SAMD3: variants seen among roughly 807,000 people sequenced by gnomAD.
The protein encoded by SAMD3 is sterile alpha motif domain containing 3.
In SAMD3, 63 loss-of-function variants were observed where a neutral mutation model predicts 58.5. The observed-to-expected ratio is 1.08, with a 90% confidence interval of 0.88 to 1.33. The LOEUF (loss-of-function observed/expected upper bound fraction) is 1.33, where lower values mean the gene tolerates loss of function less well. Among genes scored for constraint, SAMD3 ranks in the 40% most tolerant of loss-of-function variants. The probability of loss-of-function intolerance (pLI) is 0.00; values close to 1 mark genes in which losing one functional copy is unlikely to be tolerated. For synonymous variants in SAMD3, 220 were observed against 210.3 expected (o/e 1.05, Z -0.40); for missense variants, 604 against 608.4 (o/e 0.99, Z 0.08).
chr6:130,173,950 C>A (rs969948399), intron 8 of SAMD3, among the ~76,000 whole-genome samples: 1 of 152,170 alleles, frequency 6.6e-6, no homozygotes, highest in Non-Finnish European at 1.5e-5. Flanking sequence ...TGTGTCCAGC[C>A]CAGACCTCCC....
intron 2 of SAMD3, among the ~76,000 whole-genome samples, chr6:130,287,797 A>G (rs562393209): frequency 8.4e-4 from 128 of 152,286 alleles, no homozygotes; most frequent in Non-Finnish European, 1.5e-3. Context: ...TACAAAAATT[A>G]GCACGGGCAT....
intron 5 of SAMD3, among the ~76,000 whole-genome samples, chr6:130,204,337 A>T (rs528851309): frequency 1.6e-4 from 25 of 152,332 alleles, no homozygotes; most frequent in African/African-American, 5.5e-4. Context: ...CATGATGAGG[A>T]TGGGACCTAT....
chr6:130,177,977 C>G (rs1429966361), intron 7 of SAMD3, among the ~76,000 whole-genome samples: 1 of 149,726 alleles, frequency 6.7e-6, no homozygotes, highest in Non-Finnish European at 1.5e-5. Context: ...GTGGCTCAAC[C>G]CTTCTTTTTT....
At chr6:130,317,986 T>C (rs1163408812) in intron 1 of SAMD3, among the ~76,000 whole-genome samples, 1 of 152,168 alleles carries the variant, frequency 6.6e-6, no homozygotes, top group Non-Finnish European at 1.5e-5. Context: ...AAGAGAGAAC[T>C]ACATAGATTG....
At chr6:130,272,189 A>G (rs1176570745) in intron 2 of SAMD3, among the ~76,000 whole-genome samples, 2 of 152,146 alleles carry the variant, frequency 1.3e-5, no homozygotes, top group African/African-American at 4.8e-5. Context: ...ATCCAGTTAT[A>G]TTTATTTTTC....
At chr6:130,244,128 T>A (rs1773454779) in intron 2 of SAMD3, among the ~76,000 whole-genome samples, 1 of 152,242 alleles carries the variant, frequency 6.6e-6, no homozygotes, top group Admixed American at 6.5e-5. Flanking sequence ...AAGTACATTT[T>A]AATTGGGCTA....
intron 2 of SAMD3, among the ~76,000 whole-genome samples, chr6:130,238,385 T>C (rs1445479685): frequency 6.6e-6 from 1 of 152,148 alleles, no homozygotes; most frequent in Non-Finnish European, 1.5e-5. Flanking sequence ...TATAAAGATA[T>C]TTGGAAATCA....
intron 2 of SAMD3, among the ~76,000 whole-genome samples, chr6:130,292,391 G>C (rs1775400963): frequency 6.7e-6 from 1 of 150,092 alleles, no homozygotes; most frequent in Admixed American, 6.7e-5. Flanking sequence ...GGCTCAAGCA[G>C]TTCTCCTGCG....
intron 2 of SAMD3, among the ~76,000 whole-genome samples, chr6:130,298,329 A>G (rs1463331873): frequency 1.3e-5 from 2 of 152,192 alleles, no homozygotes; most frequent in East Asian, 3.8e-4. Context: ...AGAGAAGCAA[A>G]TGCTACGGGA....
Position 130,270,174 on chromosome 6 carries a change from T to G in SAMD3, c.-188+42804A>C, listed in dbSNP as rs576852039. Among the ~76,000 whole-genome samples, 5 of 152,220 alleles carry G rather than the reference T, an allele frequency of 3.3e-5. No homozygotes were observed. In the South Asian group the frequency reaches 1.0e-3, roughly 32 times the overall value. ...TGACATGATCTCAGCTCACTGAAAT[T>G]TCTGCCTCCCAGGTTCATGTGATTT... On this transcript the variant is annotated intron_variant, in intron 2 of 13. Transcript: ENST00000368134.
chr6:130,205,131 T>G (rs1260125438), intron 5 of SAMD3, among the ~76,000 whole-genome samples: 1 of 142,914 alleles, frequency 7.0e-6, no homozygotes, highest in Non-Finnish European at 1.5e-5. Context: ...GAATGGCTTA[T>G]AGAGCCCTGG....
chr6:130,360,538 CT>C (rs2115045906), intron 1 of SAMD3, among the ~76,000 whole-genome samples: 1 of 152,280 alleles, frequency 6.6e-6, no homozygotes, highest in African/African-American at 2.4e-5. Flanking sequence ...AGATCATGTA[CT>C]TCACAAGGTA....
intron 2 of SAMD3, among the ~76,000 whole-genome samples, chr6:130,291,403 C>A (rs1237122380): frequency 6.6e-6 from 1 of 152,222 alleles, no homozygotes; most frequent in Non-Finnish European, 1.5e-5. Context: ...CCATGCCCAG[C>A]CGATAATTGA....
At chr6:130,274,821 G>A (rs976474264) in intron 2 of SAMD3, among the ~76,000 whole-genome samples, 13 of 149,902 alleles carry the variant, frequency 8.7e-5, no homozygotes, top group African/African-American at 3.2e-4. Flanking sequence ...GTATATTACT[G>A]AAGTCCCTCT....
intron 2 of SAMD3, among the ~76,000 whole-genome samples, chr6:130,292,507 G>A (rs183028280): frequency 4.1e-4 from 63 of 151,848 alleles, no homozygotes; most frequent in African/African-American, 1.5e-3. Context: ...GGCTGGTCTC[G>A]AACTCCTGAT....
exon 1 of SAMD3, chr6:130,365,158 C>T (rs1225400590): frequency 3.0e-6 from 3 of 984,510 alleles, no homozygotes; most frequent in Admixed American, 6.1e-5. Flanking sequence ...ACCGTCTTTG[C>T]CGAATTAGAG....
At chr6:130,150,800 C>T (rs930678540) in intron 9 of SAMD3, among the ~76,000 whole-genome samples, 8 of 151,904 alleles carry the variant, frequency 5.3e-5, no homozygotes, top group African/African-American at 9.7e-5. Context: ...TAGCCTCTGC[C>T]TTCCAGGTTC....
intron 4 of SAMD3, 37 bp from the exon 5 acceptor site, chr6:130,209,645 G>T: frequency 7.6e-7 from 1 of 1,318,842 alleles, no homozygotes; most frequent in Non-Finnish European, 1.1e-6. Context: ...CTATTCAAGA[G>T]GTGATATGAC....
chr6:130,356,592 A>G (rs182553412), intron 1 of SAMD3, among the ~76,000 whole-genome samples: 113 of 152,362 alleles, frequency 7.4e-4, no homozygotes, highest in Non-Finnish European at 1.2e-3. Context: ...GGTCTGGAAC[A>G]TAGTAGTAGG....
Sources: gnomAD v4.1 joint callset for allele counts (sites outside exome capture counted in the v4.1 genomes callset) on GRCh38, gnomAD v4.1.1 for gene constraint, MANE v1.5 for transcripts, NCBI Gene and HGNC (gene_info 2026-07-23, HGNC 2026-07-21) for gene names.